Variants in MCUB observed in about 807,000 individuals in gnomAD.
MCUB encodes calcium uniporter regulatory subunit MCUb, mitochondrial.
In MCUB, 46 loss-of-function variants were observed where a neutral mutation model predicts 41.4. The ratio of observed to expected loss-of-function variants is 1.11; its 90% CI spans 0.88 to 1.42. MCUB has a LOEUF of 1.42. Among genes scored for constraint, MCUB ranks in the 40% most tolerant of loss-of-function variants. MCUB has a pLI of 0.00. For missense variants in MCUB, 403 were observed against 404.9 expected (o/e 1.00, Z 0.04); for synonymous variants, 148 against 148.2 (o/e 1.00, Z 0.01).
chr4:109,642,111 CT>C (rs1396014378), intron 1 of MCUB, among the ~76,000 whole-genome samples: 1 of 152,076 alleles, frequency 6.6e-6, no homozygotes, highest in African/African-American at 2.4e-5. Flanking sequence ...TTTTTGGATC[CT>C]GAAACATATG....
intron 1 of MCUB, among the ~76,000 whole-genome samples, chr4:109,572,738 A>G (rs544612208): frequency 2.6e-5 from 4 of 152,224 alleles, no homozygotes; most frequent in South Asian, 2.1e-4. Context: ...GGATGTCACT[A>G]TTGATCAGTT....
chr4:109,688,231 GATT>G lies in MCUB; in HGVS notation c.*644_*646del, dbSNP rs1167108469. ...AGTTAACTTTCTTCAGCCTCTGGCA[GATT>G]ATTAACAAAACAGTATTATTCAGAT... On this transcript the variant is annotated 3_prime_UTR_variant, in exon 8 of 8. Coordinates refer to ENST00000394650, the MANE Select transcript of MCUB (RefSeq NM_017918.5). 1.3e-5 allele frequency: 2 copies of G among 152,218 alleles called. No individual in the cohort carries two copies. The highest frequency in any genetic ancestry group is 2.9e-5 in the Non-Finnish European group (2 of 68,054). 9.4% of individuals were successfully genotyped at this position (152,218 alleles called of 1,614,324 possible).
intron 1 of MCUB, among the ~76,000 whole-genome samples, chr4:109,618,289 G>T (rs1004537123): frequency 6.6e-6 from 1 of 152,144 alleles, no homozygotes; most frequent in African/African-American, 2.4e-5. Flanking sequence ...TTGAATAAAT[G>T]TTTCAGCCTC....
chr4:109,633,676 C>T (rs1728525918), intron 1 of MCUB, among the ~76,000 whole-genome samples: 1 of 152,072 alleles, frequency 6.6e-6, no homozygotes. Flanking sequence ...ATAGAGTTGC[C>T]AACTGTGCTA....
chr4:109,562,998 G>C (rs1561209277), intron 1 of MCUB, among the ~76,000 whole-genome samples: 1 of 152,222 alleles, frequency 6.6e-6, no homozygotes, highest in Non-Finnish European at 1.5e-5. Context: ...GGCATGGCCT[G>C]GTGGCCATAA....
At chr4:109,660,409 T>C (rs1293398646) in intron 3 of MCUB, 44 bp downstream of exon 3, 1 of 1,153,114 alleles carries the variant, frequency 8.7e-7, no homozygotes, top group African/African-American at 1.6e-5. Flanking sequence ...AGGGTTTCTG[T>C]CTCTCCTGAA....
At chr4:109,655,443 T>A (rs898253763) in intron 1 of MCUB, among the ~76,000 whole-genome samples, 1 of 152,188 alleles carries the variant, frequency 6.6e-6, no homozygotes, top group Non-Finnish European at 1.5e-5. Context: ...CTGAACATTC[T>A]AGGCTTTTAA....
At chr4:109,615,454 G>T (rs560215201) in intron 1 of MCUB, among the ~76,000 whole-genome samples, 1 of 148,370 alleles carries the variant, frequency 6.7e-6, no homozygotes, top group Admixed American at 6.8e-5. Context: ...CTCCCAGGCT[G>T]GAGTGCAGTG....
At chr4:109,680,065 G>A (rs909366127) in intron 4 of MCUB, among the ~76,000 whole-genome samples, 13 of 152,260 alleles carry the variant, frequency 8.5e-5, no homozygotes, top group Admixed American at 6.5e-4. Flanking sequence ...GCCTCCCAAA[G>A]TGCTGGTATT....
In MCUB at chr4:109,684,632, A is replaced by C; in HGVS notation, c.802A>C (p.Ile268Leu). The change falls in exon 6 of 8, where the codon ATA (isoleucine) becomes CTA (leucine). Residue 268 changes from isoleucine to leucine, a missense_variant. By Grantham distance (5) the Ile-to-Leu change is conservative (BLOSUM62 2). Transcript: ENST00000394650. ...TTCTATGGTCTTTTTTGCATACTTT[A>C]TAGTCACTCGACAGGTGAGTAGTTT... ...ANSMVFFAYF[I>L]VTRQDYTYSA... 1 of 1,492,792 alleles carries C rather than the reference A, an allele frequency of 6.7e-7. No individual in the cohort carries two copies. Among genetic ancestry groups the C allele is most frequent in the Non-Finnish European group, 9.3e-7 (1 of 1,070,398 alleles). The allele number at this position is 1,492,792 out of a possible 1,614,324, so 92.5% of individuals were successfully genotyped here.
intron 1 of MCUB, among the ~76,000 whole-genome samples, chr4:109,646,994 A>C (rs1202488497): frequency 2.0e-5 from 3 of 152,234 alleles, no homozygotes; most frequent in Admixed American, 2.0e-4. Flanking sequence ...TGTGGGGCGA[A>C]GCGAGTACCC....
rs1370416895 is a variant in MCUB at position 109,606,635 on chromosome 4, C to T, written c.99+46199C>T. On this transcript the variant is annotated intron_variant, in intron 1 of 7. Coordinates refer to ENST00000394650, the MANE Select transcript of MCUB (RefSeq NM_017918.5). The stretch of plus-strand genomic sequence containing the variant: ...TTGATTGCATAAACAAGCAAACTAA[C>T]AAGTATAAAGAAGACTAATAAAAAC... Among the ~76,000 whole-genome samples the T allele has an allele frequency of 6.6e-5, 10 of 152,254 alleles. No homozygotes were observed. The East Asian group carries it at 9.7e-4, about 15-fold the overall frequency.
chr4:109,624,888 C>G (rs1728328808), intron 1 of MCUB, among the ~76,000 whole-genome samples: 1 of 152,124 alleles, frequency 6.6e-6, no homozygotes, highest in Non-Finnish European at 1.5e-5. Flanking sequence ...ACCTGTAATC[C>G]CAGCATTTTG....
intron 1 of MCUB, among the ~76,000 whole-genome samples, chr4:109,581,184 A>G (rs1363811417): frequency 6.6e-6 from 1 of 152,198 alleles, no homozygotes; most frequent in African/African-American, 2.4e-5. Context: ...AAACAGAGAT[A>G]TATAGACCAA....
At chr4:109,618,386 T>A (rs1028802187) in intron 1 of MCUB, among the ~76,000 whole-genome samples, 5 of 152,192 alleles carry the variant, frequency 3.3e-5, no homozygotes, top group African/African-American at 1.2e-4. Flanking sequence ...TCTCTAGCAG[T>A]CACCTCAGTA....
chr4:109,572,784 C>A (rs1726944191), intron 1 of MCUB, among the ~76,000 whole-genome samples: 1 of 152,098 alleles, frequency 6.6e-6, no homozygotes, highest in Non-Finnish European at 1.5e-5. Context: ...GATATATTTT[C>A]AATGGCTTTT....
chr4:109,685,222 GTTTTC>G, intron 6 of MCUB, 24 bp from the exon 7 acceptor site: 3 of 903,116 alleles, frequency 3.3e-6, no homozygotes, highest in Non-Finnish European at 5.3e-6. Context: ...AAAACATGTT[GTTTTC>G]TTCTCTCTCT....
At chr4:109,673,743 C>T (rs1388317705) in intron 4 of MCUB, 1 of 531,342 alleles carries the variant, frequency 1.9e-6, no homozygotes, top group Non-Finnish European at 3.3e-6. Flanking sequence ...AAGGAAGACA[C>T]ATAAATGAGA....
chr4:109,597,189 C>T (rs546705827), intron 1 of MCUB, among the ~76,000 whole-genome samples: 1 of 152,108 alleles, frequency 6.6e-6, no homozygotes, highest in African/African-American at 2.4e-5. Flanking sequence ...ACCTTTCCCC[C>T]CTTTCTATTC....
Sources: gnomAD v4.1 joint callset for allele counts (sites outside exome capture counted in the v4.1 genomes callset) on GRCh38, gnomAD v4.1.1 for gene constraint, MANE v1.5 for transcripts, NCBI Gene and HGNC (gene_info 2026-07-23, HGNC 2026-07-21) for gene names.